MED26: variants seen among roughly 807,000 people sequenced by gnomAD.
The protein encoded by MED26 is mediator complex subunit 26, also known as mediator of RNA polymerase II transcription subunit 26.
A neutral mutation model predicts 43.7 loss-of-function variants in MED26; 7 were observed. The ratio of observed to expected loss-of-function variants is 0.16; its 90% CI spans 0.09 to 0.30. The LOEUF (loss-of-function observed/expected upper bound fraction) is 0.30. Ranked by LOEUF, MED26 falls within the 10% of genes least tolerant of loss-of-function variation. The pLI, the probability that MED26 is intolerant of heterozygous loss-of-function variation, is 1.00. For synonymous variants in MED26, 375 were observed against 371.1 expected (o/e 1.01, Z -0.12); for missense variants, 784 against 840.6 (o/e 0.93, Z 0.83).
intron 1 of MED26, among the ~76,000 whole-genome samples, chr19:16,579,898 G>C (rs1487721948): frequency 6.6e-6 from 1 of 152,208 alleles, no homozygotes. Flanking sequence ...AACTGACAGT[G>C]GTTCTTGCCT....
At chr19:16,613,430 G>A (rs1393725939) in intron 1 of MED26, among the ~76,000 whole-genome samples, 2 of 152,060 alleles carry the variant, frequency 1.3e-5, no homozygotes, top group Non-Finnish European at 1.5e-5. Flanking sequence ...GAAGGGACAC[G>A]GGATCCTCTG....
At chr19:16,620,529 G>A (rs987791888) in intron 1 of MED26, among the ~76,000 whole-genome samples, 4 of 152,260 alleles carry the variant, frequency 2.6e-5, no homozygotes, top group Admixed American at 6.5e-5. Flanking sequence ...CCCACGTGCT[G>A]TGGCAGTTCT....
Position 16,628,058 on chromosome 19 carries a change from C to G in MED26, c.-115G>C. ...AGCCGGAGCCGCATGTTCCCCGCGGCGCCGGGGGGTTGGGGGCGCGCGGGG... is the reference window on the plus strand; with the variant it reads ...AGCCGGAGCCGCATGTTCCCCGCGGGGCCGGGGGGTTGGGGGCGCGCGGGG... On this transcript the variant is annotated 5_prime_UTR_variant, in exon 1 of 3. Transcript: ENST00000263390. 1 of 566,954 alleles carries G rather than the reference C, an allele frequency of 1.8e-6. No homozygotes were observed. The highest frequency in any genetic ancestry group is 5.4e-5 in the South Asian group (1 of 18,352). The allele number at this position is 566,954 out of a possible 1,614,324, so 35.1% of individuals were successfully genotyped here.
In MED26 at chr19:16,577,393, C is replaced by T; in HGVS notation, c.437G>A (p.Ser146Asn). ...ACGCTGGTCACCCCGGCGCTTGCGG[C>T]TGCCCAGCCTGTCCAGCCGCTGCCC... The part of the protein sequence containing the change: ...LPGQRLDRLG[S>N]RKRRGDQRDL... Residue 146 changes from serine to asparagine, a missense_variant, in exon 3 of 3, where the codon AGC becomes AAC. Around this residue, in one of 3 missense-constraint regions of MED26, gnomAD observed 719 missense variants for 730.9 expected, o/e 0.98. Coordinates refer to ENST00000263390, the MANE Select transcript of MED26 (RefSeq NM_004831.5). The surrounding 1 kb of genome is among the most constrained non-coding windows in gnomAD (Gnocchi z 8.1). The T allele has an allele frequency of 1.9e-6, 3 of 1,605,168 alleles. No individual in the cohort carries two copies. Among genetic ancestry groups the T allele is most frequent in the Non-Finnish European group, 2.6e-6 (3 of 1,175,882 alleles).
chr19:16,592,336 G>C (rs1207307214), intron 1 of MED26, among the ~76,000 whole-genome samples: 1 of 152,198 alleles, frequency 6.6e-6, no homozygotes, highest in Admixed American at 6.5e-5. Context: ...CACAGCTGTG[G>C]GGCCCTGTCC....
At position 16,577,004 on chromosome 19, in the gene MED26, G is replaced by A. The variant is rs752977684; in HGVS notation, c.826C>T (p.Arg276Trp). 3.7e-6 allele frequency: 6 copies of A among 1,607,962 alleles called. No individual in the cohort carries two copies. The highest frequency in any genetic ancestry group is 2.7e-5 in the African/African-American group (2 of 74,962). ...AAGGAGCCCTCATGCCGTGAGTTCC[G>A]AGGACTGAAAGAGCAGCGAGGGGGT... ...KGPPRCSFSPRNSRHEGSFAR... is the reference protein window; with the variant it reads ...KGPPRCSFSPWNSRHEGSFAR... The change falls in exon 3 of 3, where the codon CGG (arginine) becomes TGG (tryptophan). Residue 276 changes from arginine to tryptophan, a missense_variant. Coordinates refer to ENST00000263390, the MANE Select transcript of MED26 (RefSeq NM_004831.5). This position sits in a 1 kb window ranked among gnomAD's most constrained non-coding sequence, Gnocchi z 8.1.
chr19:16,600,056 G>T (rs1019574855), intron 1 of MED26, among the ~76,000 whole-genome samples: 2 of 152,130 alleles, frequency 1.3e-5, no homozygotes, highest in Non-Finnish European at 2.9e-5. Flanking sequence ...CCTGTGAGAG[G>T]GGGGACAGGC....
At chr19:16,615,636 C>T (rs1388320667) in intron 1 of MED26, among the ~76,000 whole-genome samples, 2 of 151,972 alleles carry the variant, frequency 1.3e-5, no homozygotes, top group Non-Finnish European at 2.9e-5. Context: ...ATCCCAGCAA[C>T]TTGGGAGGCT....
chr19:16,619,559 G>A (rs528378757), intron 1 of MED26, among the ~76,000 whole-genome samples: 27 of 152,316 alleles, frequency 1.8e-4, no homozygotes, highest in South Asian at 6.2e-4. Context: ...AGGAGTGTGG[G>A]TGGGAAACAG....
At chr19:16,602,624 C>G (rs562201171) in intron 1 of MED26, among the ~76,000 whole-genome samples, 3 of 152,078 alleles carry the variant, frequency 2.0e-5, no homozygotes, top group Non-Finnish European at 4.4e-5. Flanking sequence ...AATGAATAAG[C>G]CAAGTGTGAT....
intron 1 of MED26, among the ~76,000 whole-genome samples, chr19:16,626,210 C>T (rs1487403870): frequency 6.6e-6 from 1 of 152,148 alleles, no homozygotes. Context: ...AGGATCAGTG[C>T]TAATATCTCA....
At chr19:16,588,656 C>T (rs1304490052) in intron 1 of MED26, 1 of 152,440 alleles carries the variant, frequency 6.6e-6, no homozygotes, top group African/African-American at 2.4e-5. Context: ...GAGACCACGC[C>T]CCCAGGGGCC....
chr19:16,582,222 G>T (rs1279505273), intron 1 of MED26, among the ~76,000 whole-genome samples: 1 of 152,250 alleles, frequency 6.6e-6, no homozygotes, highest in Non-Finnish European at 1.5e-5. Context: ...GGCAAGGTGA[G>T]ACTGCCCTGC....
Position 16,575,934 on chromosome 19 carries a change from A to C in MED26, c.*93T>G. ...GCCGGACTCCCCGAGTTCCCAGCGCAGGAGGCAGCTGGGCCCCGGCCACCT... is the reference window on the plus strand; with the variant it reads ...GCCGGACTCCCCGAGTTCCCAGCGCCGGAGGCAGCTGGGCCCCGGCCACCT... On this transcript the variant is annotated 3_prime_UTR_variant, in exon 3 of 3. Transcript: ENST00000263390. 1 of 1,132,126 alleles carries C rather than the reference A, an allele frequency of 8.8e-7. No individual in the cohort carries two copies. 70.1% of individuals were successfully genotyped at this position (1,132,126 alleles called of 1,614,324 possible). A position where few individuals can be genotyped will look rare whatever the true frequency, so the allele number is the denominator to read the frequency against.
At chr19:16,591,816 G>T (rs570183463) in intron 1 of MED26, among the ~76,000 whole-genome samples, 2 of 152,174 alleles carry the variant, frequency 1.3e-5, no homozygotes, top group African/African-American at 4.8e-5. Context: ...TCCTAATTCC[G>T]CATGGTTTTC....
Position 16,586,539 on chromosome 19 carries a change from C to T in MED26, c.73-8130G>A, listed in dbSNP as rs147717836. Among the ~76,000 whole-genome samples, 37 of 152,390 alleles carry T rather than the reference C, an allele frequency of 2.4e-4. No homozygotes were observed. The East Asian group carries it at 2.7e-3, about 11-fold the overall frequency. On this transcript the variant is annotated intron_variant, in intron 1 of 2. Transcript: ENST00000263390. This position sits in a 1 kb window ranked among gnomAD's most constrained non-coding sequence, Gnocchi z 5.1. ...TTGAACCCACACAGGGCCACCTCCA[C>T]GGTCTCCGTGTTGTCTATGCCTTGT...
chr19:16,596,982 C>T (rs892988575), intron 1 of MED26, among the ~76,000 whole-genome samples: 5 of 152,210 alleles, frequency 3.3e-5, no homozygotes, highest in African/African-American at 7.2e-5. Flanking sequence ...CACTCCATCA[C>T]GAAGTCCTAT....
chr19:16,621,649 G>A (rs1016706326), intron 1 of MED26, among the ~76,000 whole-genome samples: 5 of 152,028 alleles, frequency 3.3e-5, no homozygotes, highest in African/African-American at 1.2e-4. Flanking sequence ...GAGAATCGCA[G>A]AACCTCCCGG....
chr19:16,580,820 G>T (rs2086041592), intron 1 of MED26, among the ~76,000 whole-genome samples: 1 of 152,068 alleles, frequency 6.6e-6, no homozygotes, highest in African/African-American at 2.4e-5. Flanking sequence ...TCCTCACCCG[G>T]CATCTCTCTG....
Sources: gnomAD v4.1 joint callset for allele counts (sites outside exome capture counted in the v4.1 genomes callset) on GRCh38, gnomAD v4.1.1 for gene constraint, gnomAD v4.1.1 regional missense constraint, Gnocchi (gnomAD v3.1) non-coding constraint, MANE v1.5 for transcripts, NCBI Gene and HGNC (gene_info 2026-07-23, HGNC 2026-07-21) for gene names.